The following LPAR6 variants were observed in gnomAD, a reference collection of about 807,000 sequenced individuals.
LPAR6 encodes lysophosphatidic acid receptor 6, also known as G-protein coupled purinergic receptor P2Y5.
LPAR6 carries 17 observed loss-of-function variants against 22.0 expected under a neutral mutation model. The observed-to-expected ratio is 0.77, with a 90% CI of 0.53 to 1.16. The LOEUF is 1.16. Among genes scored for constraint, LPAR6 ranks in the 50% most tolerant of loss-of-function variants. The probability of loss-of-function intolerance (pLI) is 0.00; values close to 1 mark genes in which losing one functional copy is unlikely to be tolerated. For missense variants in LPAR6, 384 were observed against 406.9 expected (o/e 0.94, Z 0.48); for synonymous variants, 136 against 139.8 (o/e 0.97, Z 0.19).
Position 48,412,601 on chromosome 13 carries a change from GC to G in LPAR6, c.-179del. Reference sequence around the variant, plus strand: ...ACCCAAAAGAAACATGAAATTTGTTGCTGTAAAATTTCCGCTGGGTTCTTCA... The same window carrying G: ...ACCCAAAAGAAACATGAAATTTGTTGTGTAAAATTTCCGCTGGGTTCTTCA... On this transcript the variant is annotated 5_prime_UTR_variant, in exon 1 of 1. Coordinates refer to ENST00000620633, the MANE Select transcript of LPAR6 (RefSeq NM_001162498.3). The G allele has an allele frequency of 1.6e-6, 1 of 627,600 alleles. No individual in the cohort carries two copies. The highest frequency in any genetic ancestry group is 4.3e-4 in the Middle Eastern group (1 of 2,352). The allele number at this position is 627,600 out of a possible 1,614,324, so 38.9% of individuals were successfully genotyped here.
intron 1 of LPAR6, among the ~76,000 whole-genome samples, chr13:48,392,167 G>A (rs1026302784): frequency 2.0e-5 from 3 of 151,810 alleles, no homozygotes; most frequent in Non-Finnish European, 4.4e-5. Flanking sequence ...CTGGAGTGCA[G>A]TGGCATGATC....
chr13:48,443,942 TACC>T (rs542684109), intron 1 of LPAR6, among the ~76,000 whole-genome samples: 3 of 152,216 alleles, frequency 2.0e-5, no homozygotes, highest in Admixed American at 6.5e-5. Flanking sequence ...TCTGCTCTCA[TACC>T]ACCACAACAG....
At chr13:48,399,921 ACTTGTC>A in intron 1 of LPAR6, among the ~76,000 whole-genome samples, 1 of 152,086 alleles carries the variant, frequency 6.6e-6, no homozygotes, top group Non-Finnish European at 1.5e-5. Context: ...AATATTCATA[ACTTGTC>A]TATTCATGTC....
upstream of LPAR6, among the ~76,000 whole-genome samples, chr13:48,416,756 G>A (rs1055748555): frequency 6.6e-6 from 1 of 152,178 alleles, no homozygotes; most frequent in African/African-American, 2.4e-5. Context: ...GGGAGGAGGG[G>A]CTTCTGCCAT....
At chr13:48,434,833 G>GT (rs890681385) in intron 1 of LPAR6, among the ~76,000 whole-genome samples, 3 of 152,010 alleles carry the variant, frequency 2.0e-5, no homozygotes, top group African/African-American at 4.8e-5. Flanking sequence ...AACAGGATTA[G>GT]TTTTTTTTCT....
At position 48,412,550 on chromosome 13, in the gene LPAR6, A is replaced by G. The variant is rs1248904974; in HGVS notation, c.-127T>C. The G allele has an allele frequency of 9.7e-6, 7 of 718,978 alleles. No homozygotes were observed. The African/African-American group carries it at 1.1e-4, about 11-fold the overall frequency. 44.5% of individuals were successfully genotyped at this position (718,978 alleles called of 1,614,324 possible). Reference sequence around the variant, plus strand: ...ATTATCTGGATCTTTGGATGGTTTTATAAATATTTCCTTTTTCTCAGAAAT... The same window carrying G: ...ATTATCTGGATCTTTGGATGGTTTTGTAAATATTTCCTTTTTCTCAGAAAT... On this transcript the variant is annotated 5_prime_UTR_variant, in exon 1 of 1. Transcript: ENST00000620633.
chr13:48,436,429 G>A (rs183186100), intron 1 of LPAR6, among the ~76,000 whole-genome samples: 52 of 152,238 alleles, frequency 3.4e-4, no homozygotes, highest in African/African-American at 1.1e-3. Context: ...GATCACCTGC[G>A]GTCAGAAGTT....
At chr13:48,408,369 C>T (rs1339931093), downstream of LPAR6, among the ~76,000 whole-genome samples, 2 of 151,968 alleles carry the variant, frequency 1.3e-5, no homozygotes, top group Non-Finnish European at 2.9e-5. Context: ...TGCTGGAAAG[C>T]CATTTTTCCA....
intron 1 of LPAR6, among the ~76,000 whole-genome samples, chr13:48,434,942 TAC>T (rs1949168539): frequency 6.6e-6 from 1 of 152,254 alleles, no homozygotes; most frequent in African/African-American, 2.4e-5. Flanking sequence ...ATGAATGTAC[TAC>T]AGTTTCTTTG....
upstream of LPAR6, chr13:48,429,351 G>C (rs1487156293): frequency 6.6e-6 from 1 of 152,244 alleles, no homozygotes. Context: ...GGAGTTCTGG[G>C]CTGTGCGCTA....
At chr13:48,409,855 A>G (rs1045982817), downstream of LPAR6, among the ~76,000 whole-genome samples, 1 of 152,174 alleles carries the variant, frequency 6.6e-6, no homozygotes, top group Non-Finnish European at 1.5e-5. Flanking sequence ...CTAGGATTAC[A>G]GGTGTGAACC....
intron 1 of LPAR6, among the ~76,000 whole-genome samples, chr13:48,436,779 T>A (rs554077983): frequency 1.4e-4 from 21 of 152,358 alleles, no homozygotes; most frequent in African/African-American, 4.3e-4. Flanking sequence ...AAAATTCTTC[T>A]ATTTTCTATT....
At chr13:48,410,217 G>A (rs929153682), downstream of LPAR6, among the ~76,000 whole-genome samples, 3 of 152,152 alleles carry the variant, frequency 2.0e-5, no homozygotes, top group Non-Finnish European at 4.4e-5. Flanking sequence ...CCGCATAAAC[G>A]ATGGTGGTCT....
intron 1 of LPAR6, among the ~76,000 whole-genome samples, chr13:48,435,234 T>C (rs566964402): frequency 6.4e-4 from 98 of 152,318 alleles, no homozygotes; most frequent in African/African-American, 2.1e-3. Context: ...TTTGGTGATG[T>C]CTTTATTTTT....
rs1948794117 is a variant in LPAR6 at position 48,411,261 on chromosome 13, A to C, written c.*128T>G. On this transcript the variant is annotated 3_prime_UTR_variant, in exon 1 of 1. Transcript: ENST00000620633. ...CACATTGAATACAAATTTTCTTTAT[A>C]CTAAAGACTTTAAAATGTCCATGTG... is the stretch of plus-strand genomic sequence containing the variant. The C allele has an allele frequency of 1.3e-6, 1 of 782,566 alleles. No homozygotes were observed. The highest frequency in any genetic ancestry group is 1.9e-5 in the Admixed American group (1 of 51,524). 48.5% of individuals were successfully genotyped at this position (782,566 alleles called of 1,614,324 possible). A position where few individuals can be genotyped will look rare whatever the true frequency, so the allele number is the denominator to read the frequency against.
intron 1 of LPAR6, among the ~76,000 whole-genome samples, chr13:48,436,401 G>T (rs796548727): frequency 1.4e-4 from 22 of 152,264 alleles, no homozygotes; most frequent in African/African-American, 4.8e-4. Context: ...TCAGCACTTT[G>T]AGAGGCCAAG....
intron 1 of LPAR6, among the ~76,000 whole-genome samples, chr13:48,435,835 C>T (rs1003622546): frequency 2.6e-5 from 4 of 151,950 alleles, no homozygotes; most frequent in African/African-American, 7.3e-5. Flanking sequence ...TATTGATTTG[C>T]TTTTGTATCT....
chr13:48,424,696 C>A (rs1949054605), intron 1 of LPAR6, among the ~76,000 whole-genome samples: 1 of 152,114 alleles, frequency 6.6e-6, no homozygotes, highest in African/African-American at 2.4e-5. Flanking sequence ...TCATCAGTTC[C>A]TTTTCTGTAC....
intron 1 of LPAR6, among the ~76,000 whole-genome samples, chr13:48,426,146 A>G (rs1218765092): frequency 6.6e-6 from 1 of 152,232 alleles, no homozygotes; most frequent in East Asian, 1.9e-4. Flanking sequence ...TAAGATGGAT[A>G]TGACATGCCC....
Sources: allele counts gnomAD v4.1 joint callset (sites outside exome capture counted in the v4.1 genomes callset), GRCh38; gene constraint gnomAD v4.1.1; transcripts MANE v1.5; gene names NCBI Gene and HGNC (gene_info 2026-07-23, HGNC 2026-07-21).